Variants in NUDT22 observed in about 807,000 individuals in gnomAD.
NUDT22 encodes nudix hydrolase 22.
In NUDT22, 23 loss-of-function variants were observed where a neutral mutation model predicts 28.8. The ratio of observed to expected loss-of-function variants is 0.80; its 90% CI spans 0.58 to 1.13. The LOEUF (loss-of-function observed/expected upper bound fraction) is 1.13. Ranked by LOEUF, NUDT22 falls within the 50% of genes most tolerant of loss-of-function variation. The pLI is 0.00. For missense variants in NUDT22, 358 were observed against 387.3 expected, an observed-to-expected ratio of 0.92 and a Z score of 0.64; for synonymous variants, 175 against 173.7, an observed-to-expected ratio of 1.01 and a Z score of -0.06.
Position 64,227,016 on chromosome 11 carries a change from G to C in NUDT22, c.364G>C (p.Gly122Arg), listed in dbSNP as rs1232425783. The C allele has an allele frequency of 2.5e-6, 4 of 1,602,938 alleles. No homozygotes were observed. The Admixed American group carries it at 5.0e-5, about 20-fold the overall frequency. The stretch of plus-strand genomic sequence containing the variant: ...GCAGGCCTATCTGGCGGACCCACTG[G>C]GGGTGGGCGCTGCACTAGCCACAGC... ...DTQAYLADPL[G>R]VGAALATADD... Residue 122 changes from glycine to arginine, a missense_variant, in exon 2 of 6, where the codon GGG becomes CGG. By Grantham distance (125) the Gly-to-Arg change is moderately radical. Transcript: ENST00000279206.
intron 3 of NUDT22, chr11:64,228,956 A>G (rs1027029289): frequency 2.3e-5 from 8 of 350,154 alleles, no homozygotes; most frequent in Non-Finnish European, 4.3e-5. Flanking sequence ...TGGGCGACAG[A>G]GCGAGACTCC....
chr11:64,230,252 G>C (rs1947153520), downstream of NUDT22: 3 of 640,168 alleles, frequency 4.7e-6, no homozygotes, highest in Non-Finnish European at 5.8e-6. Flanking sequence ...GCGGAACGGA[G>C]ACACGGTGGC....
At chr11:64,227,160 C>G in intron 2 of NUDT22, 28 bp downstream of exon 2, 1 of 1,566,092 alleles carries the variant, frequency 6.4e-7, no homozygotes, top group Non-Finnish European at 8.6e-7. Flanking sequence ...GCACAAAGAC[C>G]CAGACAGCTC....
chr11:64,230,234 G>A, downstream of NUDT22: 1 of 659,562 alleles, frequency 1.5e-6, no homozygotes, highest in Non-Finnish European at 2.8e-6. Flanking sequence ...CTGCAGAGGG[G>A]AGCAACAGCG....
chr11:64,227,045 T>C lies in NUDT22; in HGVS notation c.393T>C (p.Asp131=). 1 of 1,603,980 alleles carries C rather than the reference T, an allele frequency of 6.2e-7. No individual in the cohort carries two copies. Among genetic ancestry groups the C allele is most frequent in the South Asian group, 1.1e-5 (1 of 90,938 alleles). Residue 131 remains aspartate (D), a synonymous_variant, in exon 2 of 6, where the codon GAT becomes GAC. Coordinates refer to ENST00000279206, the MANE Select transcript of NUDT22 (RefSeq NM_032344.4). ...TGGGCGCTGCACTAGCCACAGCCGA[T>C]GACTTCCTTGTCTTCCTGCGCCGCT... ...LGVGAALATA[D]DFLVFLRRSR...
In NUDT22 at chr11:64,229,153, C is replaced by T. The variant is rs540471769; in HGVS notation, c.580-94C>T. 1.8e-4 allele frequency: 136 copies of T among 765,568 alleles called. 1 individual carries two copies. In the South Asian group the frequency reaches 2.3e-3, roughly 13 times the overall value. 47.4% of individuals were successfully genotyped at this position (765,568 alleles called of 1,614,324 possible). A position where few individuals can be genotyped will look rare whatever the true frequency, so the allele number is the denominator to read the frequency against. On this transcript the variant is annotated intron_variant, in intron 3 of 5. Coordinates refer to ENST00000279206, the MANE Select transcript of NUDT22 (RefSeq NM_032344.4). ...GATCTACAAGCTATAAAATGCTGTA[C>T]ACAGGTAACAGGCGGTTTTTCATTG...
rs1211156680 is a variant in NUDT22, at chr11:64,226,641, C to T, written c.-12C>T. 9 of 1,569,294 alleles carry T rather than the reference C, an allele frequency of 5.7e-6. No individual in the cohort carries two copies. Among genetic ancestry groups the T allele is most frequent in the Non-Finnish European group, 7.8e-6 (9 of 1,158,692 alleles). On this transcript the variant is annotated 5_prime_UTR_variant, in exon 2 of 6. Coordinates refer to ENST00000279206, the MANE Select transcript of NUDT22 (RefSeq NM_032344.4). ...TGGCCGTATCCTCCCCCAGAGCTGCCCCGTTCAGACCATGGATCCTGAGGT... is the reference window on the plus strand; with the variant it reads ...TGGCCGTATCCTCCCCCAGAGCTGCTCCGTTCAGACCATGGATCCTGAGGT...
At chr11:64,229,812 G>A (rs772269038) in intron 5 of NUDT22, 38 bp from the exon 6 acceptor site, 7 of 1,611,988 alleles carry the variant, frequency 4.3e-6, no homozygotes, top group Non-Finnish European at 5.9e-6. Flanking sequence ...AGGAGAAGTG[G>A]CAAGCTTGAA....
chr11:64,227,274 A>AG, intron 2 of NUDT22, 142 bp downstream of exon 2: 1 of 1,028,330 alleles, frequency 9.7e-7, no homozygotes, highest in Non-Finnish European at 1.5e-6. Context: ...TGCTCAGGGC[A>AG]GTCCACCTGC....
upstream of NUDT22, chr11:64,226,266 G>A (rs1303853409): frequency 6.9e-6 from 4 of 580,328 alleles, no homozygotes; most frequent in Non-Finnish European, 9.8e-6. Flanking sequence ...CCGCTTCGGG[G>A]AAGGGGCGGA....
Position 64,229,840 on chromosome 11 carries a change from C to T in NUDT22, c.772-10C>T. 1 of 1,612,972 alleles carries T rather than the reference C, an allele frequency of 6.2e-7. No homozygotes were observed. Among genetic ancestry groups the T allele is most frequent in the Non-Finnish European group, 8.5e-7 (1 of 1,179,872 alleles). On this transcript the variant is annotated splice_polypyrimidine_tract_variant and intron_variant, in intron 5 of 5. Transcript: ENST00000279206. ...AGCTTGAATGCCTGGGTCTCGTTGT[C>T]TCCCCACAGAACGTGCAGAGATTGC... is the stretch of plus-strand genomic sequence containing the variant.
rs562700879 is a variant in NUDT22, at chr11:64,226,439, C to T, written c.-19+12C>T. On this transcript the variant is annotated intron_variant, in intron 1 of 5. Transcript: ENST00000279206. ...AAGACCTCTGGATGGTAGGGATGCCCGGGCGTCCTGGATACCCTGCGGGAC... is the reference window on the plus strand; with the variant it reads ...AAGACCTCTGGATGGTAGGGATGCCTGGGCGTCCTGGATACCCTGCGGGAC... 2 of 1,386,216 alleles carry T rather than the reference C, an allele frequency of 1.4e-6. No homozygotes were observed. Among genetic ancestry groups the T allele is most frequent in the East Asian group, 2.7e-5 (1 of 36,932 alleles). 85.9% of individuals were successfully genotyped at this position (1,386,216 alleles called of 1,614,324 possible).
chr11:64,229,444 T>G (rs1591071725), intron 4 of NUDT22, 34 bp from the exon 5 acceptor site: 1 of 1,610,098 alleles, frequency 6.2e-7, no homozygotes, highest in South Asian at 1.1e-5. Context: ...CAGGGGCTGG[T>G]CACCCACTAA....
At chr11:64,229,194 TG>T (rs1312219606) in intron 3 of NUDT22, 52 bp from the exon 4 acceptor site, 3 of 1,269,664 alleles carry the variant, frequency 2.4e-6, no homozygotes, top group African/African-American at 3.0e-5. Context: ...GGCAGGGATG[TG>T]GGCAGTGGCA....
chr11:64,229,579 G>T lies in NUDT22; in HGVS notation c.771+8G>T. 3 of 1,613,190 alleles carry T rather than the reference G, an allele frequency of 1.9e-6. No homozygotes were observed. Among genetic ancestry groups the T allele is most frequent in the Non-Finnish European group, 2.5e-6 (3 of 1,179,184 alleles). On this transcript the variant is annotated splice_region_variant and intron_variant, in intron 5 of 5. Transcript: ENST00000279206. ...TTCTTTGTGGAGACACAGGTGCAGA[G>T]TGACAAACCATCTTGCTTGGAGGCC...
chr11:64,229,953 C>T lies in NUDT22; in HGVS notation c.875C>T (p.Ala292Val), dbSNP rs1317236424. ...YNRVQGSPTG[A>V]ALGSPALLPP... is the part of the protein sequence containing the mutation. ...CGGGTTCAGGGAAGTCCCACTGGAG[C>T]GGCCCTAGGGTCCCCAGCCCTACTC... is the stretch of plus-strand genomic sequence containing the variant. Residue 292 changes from alanine (A) to valine (V), a missense_variant, in exon 6 of 6, where the codon GCG becomes GTG. Ala to Val is a moderately conservative substitution (Grantham distance 64). Transcript: ENST00000279206. 4.3e-6 allele frequency: 7 copies of T among 1,612,964 alleles called. No homozygotes were observed. The highest frequency in any genetic ancestry group is 2.2e-5 in the South Asian group (2 of 91,088).
In NUDT22 at chr11:64,229,986, T is replaced by C. The variant is rs766284755; in HGVS notation, c.908T>C (p.Leu303Pro). The stretch of plus-strand genomic sequence containing the variant: ...GGGTCCCCAGCCCTACTCCCGCCGC[T>C]CTGAAAATAATAAACGACTTTATTC... ...ALGSPALLPPL is the reference protein window; with the variant it reads ...ALGSPALLPPP The change falls in exon 6 of 6, where the codon CTC becomes CCC. Residue 303 changes from leucine (L) to proline (P), a missense_variant. Coordinates refer to ENST00000279206, the MANE Select transcript of NUDT22 (RefSeq NM_032344.4). The C allele has an allele frequency of 6.2e-7, 1 of 1,611,348 alleles. No homozygotes were observed. The highest frequency in any genetic ancestry group is 1.1e-5 in the South Asian group (1 of 90,820).
intron 3 of NUDT22, chr11:64,228,921 G>C (rs1947120939): frequency 4.3e-6 from 1 of 234,068 alleles, no homozygotes; most frequent in Non-Finnish European, 8.5e-6. Flanking sequence ...GCAGTGAGCT[G>C]AGATCGTGCC....
At chr11:64,228,257 A>G (rs1947103700) in intron 3 of NUDT22, among the ~76,000 whole-genome samples, 3 of 150,126 alleles carry the variant, frequency 2.0e-5, no homozygotes, top group Non-Finnish European at 3.0e-5. Flanking sequence ...ATATCGGCTC[A>G]CTGCAACCTT....
Sources: allele counts gnomAD v4.1 joint callset (sites outside exome capture counted in the v4.1 genomes callset), GRCh38; gene constraint gnomAD v4.1.1; transcripts MANE v1.5; gene names NCBI Gene and HGNC (gene_info 2026-07-23, HGNC 2026-07-21).